Variants in SMARCA2 observed in about 807,000 individuals in gnomAD.
The protein encoded by SMARCA2 is SWI/SNF related BAF chromatin remodeling complex subunit ATPase 2.
A neutral mutation model predicts 199.8 loss-of-function variants in SMARCA2; 61 were observed. The ratio of observed to expected loss-of-function variants is 0.31; its 90% CI spans 0.25 to 0.38. The LOEUF is 0.38. SMARCA2 is among the 10% of genes least tolerant of loss of function. The probability of loss-of-function intolerance (pLI) is 1.00; values close to 1 mark genes in which losing one functional copy is unlikely to be tolerated. For missense variants in SMARCA2, 1,344 were observed against 2,012.2 expected, an observed-to-expected ratio of 0.67 and a Z score of 6.35; for synonymous variants, 935 against 732.0, an observed-to-expected ratio of 1.28 and a Z score of -4.48.
chr9:2,050,816 G>A (rs534310015), intron 5 of SMARCA2, among the ~76,000 whole-genome samples: 2 of 152,246 alleles, frequency 1.3e-5, no homozygotes, highest in African/African-American at 4.8e-5. Context: ...TCTCCTACAG[G>A]AATCATAAAC....
In SMARCA2 at chr9:2,170,304, G is replaced by T. The variant is rs1586785505; in HGVS notation, c.4200-115G>T. 2 of 1,279,278 alleles carry T rather than the reference G, an allele frequency of 1.6e-6. No homozygotes were observed. The highest frequency in any genetic ancestry group is 3.0e-5 in the African/African-American group (2 of 66,956). 79.2% of individuals were successfully genotyped at this position (1,279,278 alleles called of 1,614,324 possible). Reference sequence around the variant, plus strand: ...AACCCCGTGTAATCTTCCTAACAAGGCAGGTTGGTGAGGAGACTGAGGCTT... The same window carrying T: ...AACCCCGTGTAATCTTCCTAACAAGTCAGGTTGGTGAGGAGACTGAGGCTT... On this transcript the variant is annotated intron_variant, in intron 28 of 33. Coordinates refer to ENST00000349721, the MANE Select transcript of SMARCA2 (RefSeq NM_003070.5). The surrounding 1 kb of genome is among the most constrained non-coding windows in gnomAD (Gnocchi z 4.7).
Position 2,170,496 on chromosome 9 carries a change from C to T in SMARCA2, c.4253+24C>T, listed in dbSNP as rs1172711072. 1.9e-6 allele frequency: 3 copies of T among 1,613,826 alleles called. No individual in the cohort carries two copies. Among genetic ancestry groups the T allele is most frequent in the African/African-American group, 1.3e-5 (1 of 74,918 alleles). On this transcript the variant is annotated intron_variant, in intron 29 of 33. Coordinates refer to ENST00000349721, the MANE Select transcript of SMARCA2 (RefSeq NM_003070.5). This position sits in a 1 kb window ranked among gnomAD's most constrained non-coding sequence, Gnocchi z 4.7. ...AGGTCAGGATCTGTCTTGTATTCCCCTATCTCTAAATACAGGTATCCCTCG... is the reference window on the plus strand; with the variant it reads ...AGGTCAGGATCTGTCTTGTATTCCCTTATCTCTAAATACAGGTATCCCTCG...
chr9:2,165,895 C>G (rs1446982884), intron 28 of SMARCA2, among the ~76,000 whole-genome samples: 2 of 152,146 alleles, frequency 1.3e-5, no homozygotes, highest in African/African-American at 4.8e-5. Flanking sequence ...GCCCAACTTC[C>G]CACAATACAA....
chr9:2,150,266 C>T (rs529973841), intron 27 of SMARCA2, among the ~76,000 whole-genome samples: 1 of 151,774 alleles, frequency 6.6e-6, no homozygotes, highest in African/African-American at 2.4e-5. Flanking sequence ...TACTGCCATA[C>T]CAACTGGACA....
At chr9:2,054,745 A>C in intron 6 of SMARCA2, 22 bp downstream of exon 6, 1 of 1,613,086 alleles carries the variant, frequency 6.2e-7, no homozygotes, top group South Asian at 1.1e-5. Context: ...TCCCCAGTGA[A>C]TCTGAGATGT....
chr9:2,041,421 C>T (rs1819598443), intron 4 of SMARCA2: 1 of 398,610 alleles, frequency 2.5e-6, no homozygotes, highest in East Asian at 3.6e-5. Context: ...GCTTCCTTCT[C>T]ACTGTGTCCT....
At chr9:2,076,809 T>A (rs1821345569) in intron 13 of SMARCA2, among the ~76,000 whole-genome samples, 1 of 152,152 alleles carries the variant, frequency 6.6e-6, no homozygotes, top group Non-Finnish European at 1.5e-5. Context: ...GCCCAGTCCC[T>A]GAACCCTCTC....
At chr9:2,164,844 C>T (rs1257648223) in intron 28 of SMARCA2, among the ~76,000 whole-genome samples, 3 of 152,168 alleles carry the variant, frequency 2.0e-5, no homozygotes, top group East Asian at 1.9e-4. Context: ...ATTCTATTAG[C>T]TCCCACATTT....
At chr9:2,185,402 T>C (rs904260449) in intron 31 of SMARCA2, among the ~76,000 whole-genome samples, 4 of 152,238 alleles carry the variant, frequency 2.6e-5, no homozygotes, top group Admixed American at 2.6e-4. Context: ...TAGTTGCTTA[T>C]CCACTCATTT....
At chr9:2,019,686 C>A (rs1346878646) in intron 1 of SMARCA2, among the ~76,000 whole-genome samples, 3 of 152,038 alleles carry the variant, frequency 2.0e-5, no homozygotes, top group East Asian at 1.9e-4. Context: ...ACATCCTTTT[C>A]TAAAAGGTAA....
At chr9:2,144,080 T>TG (rs1247656128) in intron 27 of SMARCA2, among the ~76,000 whole-genome samples, 2 of 151,334 alleles carry the variant, frequency 1.3e-5, no homozygotes, top group Non-Finnish European at 2.9e-5. Flanking sequence ...TGGGGGGGGA[T>TG]GTAGGCATTT....
chr9:2,070,618 T>G, intron 10 of SMARCA2, 147 bp downstream of exon 10: 1 of 618,698 alleles, frequency 1.6e-6, no homozygotes, highest in East Asian at 2.8e-5. Flanking sequence ...AGTAGAAAAT[T>G]AGAATGATAC....
At chr9:2,108,678 T>A (rs1284292523) in intron 23 of SMARCA2, among the ~76,000 whole-genome samples, 1 of 152,218 alleles carries the variant, frequency 6.6e-6, no homozygotes, top group African/African-American at 2.4e-5. Context: ...AAAAAATTCT[T>A]GTAGCTGGAA....
intron 21 of SMARCA2, among the ~76,000 whole-genome samples, chr9:2,099,410 G>C (rs1822410431): frequency 1.3e-5 from 2 of 152,036 alleles, no homozygotes; most frequent in African/African-American, 4.8e-5. Flanking sequence ...ACTTCGTTTT[G>C]GTTATCATAA....
chr9:2,169,685 T>C lies in SMARCA2; in HGVS notation c.4200-734T>C, dbSNP rs1045421750. 1.8e-4 allele frequency among the ~76,000 whole-genome samples: 28 copies of C among 151,906 alleles called. No homozygotes were observed. The highest frequency in any genetic ancestry group is 6.5e-4 in the African/African-American group (27 of 41,402). ...TACACCTGGAGGGAGATCTAGAGGG[T>C]ATGGAGGGTCTTCCCAGGATCTGTG... On this transcript the variant is annotated intron_variant, in intron 28 of 33. Transcript: ENST00000349721. This position sits in a 1 kb window ranked among gnomAD's most constrained non-coding sequence, Gnocchi z 6.5.
intron 31 of SMARCA2, among the ~76,000 whole-genome samples, chr9:2,183,019 G>T (rs1827166820): frequency 6.6e-6 from 1 of 152,286 alleles, no homozygotes; most frequent in Admixed American, 6.5e-5. Context: ...TTGAACTCCT[G>T]ACCTCAGGTG....
chr9:2,072,920 T>G (rs1194153499), intron 10 of SMARCA2, among the ~76,000 whole-genome samples: 1 of 152,190 alleles, frequency 6.6e-6, no homozygotes, highest in Non-Finnish European at 1.5e-5. Context: ...GGTGCACCTG[T>G]TGGTTTCCAC....
rs569369223 is a variant in SMARCA2, at chr9:2,161,261, A to G, written c.3982-425A>G. Among the ~76,000 whole-genome samples, 2 of 152,294 alleles carry G rather than the reference A, an allele frequency of 1.3e-5. No individual in the cohort carries two copies. The highest frequency in any genetic ancestry group is 4.8e-5 in the African/African-American group (2 of 41,566). ...AAAGCTTATATGATCGTGTGGATGT[A>G]TTCTTAGGGATTGTTTTTTCATAAC... On this transcript the variant is annotated intron_variant, in intron 27 of 33. Transcript: ENST00000349721. This position sits in a 1 kb window ranked among gnomAD's most constrained non-coding sequence, Gnocchi z 4.7.
intron 14 of SMARCA2, among the ~76,000 whole-genome samples, chr9:2,080,710 AC>A (rs1821531229): frequency 6.6e-6 from 1 of 152,224 alleles, no homozygotes; most frequent in Non-Finnish European, 1.5e-5. Context: ...CTTGCATGGT[AC>A]AAAGTATCTC....
Sources: gnomAD v4.1 joint callset for allele counts (sites outside exome capture counted in the v4.1 genomes callset) on GRCh38, gnomAD v4.1.1 for gene constraint, Gnocchi (gnomAD v3.1) non-coding constraint, MANE v1.5 for transcripts, NCBI Gene and HGNC (gene_info 2026-07-23, HGNC 2026-07-21) for gene names.